Variants in ZFPM2 observed in about 807,000 individuals in gnomAD.
ZFPM2 encodes the protein zinc finger protein ZFPM2.
Under a neutral mutation model 98.6 loss-of-function variants are expected in ZFPM2, and 20 were observed. The observed-to-expected ratio is 0.20, with a 90% CI of 0.14 to 0.29. The LOEUF (loss-of-function observed/expected upper bound fraction) is 0.29. Among genes scored for constraint, ZFPM2 ranks in the 10% least tolerant of loss-of-function variants. The probability of loss-of-function intolerance (pLI) is 1.00; values close to 1 mark genes in which losing one functional copy is unlikely to be tolerated. For synonymous variants in ZFPM2, 518 were observed against 502.7 expected (o/e 1.03, Z -0.41); for missense variants, 1,310 against 1,388.6 (o/e 0.94, Z 0.90).
At chr8:105,459,917 A>G (rs960368970) in intron 3 of ZFPM2, among the ~76,000 whole-genome samples, 1 of 152,038 alleles carries the variant, frequency 6.6e-6, no homozygotes, top group Non-Finnish European at 1.5e-5. Flanking sequence ...AAAAGACAAC[A>G]AGGGAAGATT....
rs557943537 is a variant in ZFPM2 at position 105,510,491 on chromosome 8, C to T, written c.302-50872C>T. On this transcript the variant is annotated intron_variant, in intron 3 of 7. Coordinates refer to ENST00000407775, the MANE Select transcript of ZFPM2 (RefSeq NM_012082.4). The stretch of plus-strand genomic sequence containing the variant: ...ATGATTCACTATAATGAAATGATAG[C>T]AAACACCATTCAGTCATGAAATAAA... 4.0e-5 allele frequency among the ~76,000 whole-genome samples: 6 copies of T among 150,960 alleles called. No individual in the cohort carries two copies. The South Asian group carries it at 1.3e-3, about 32-fold the overall frequency.
intron 5 of ZFPM2, among the ~76,000 whole-genome samples, chr8:105,742,952 C>A (rs1812254513): frequency 6.6e-6 from 1 of 151,876 alleles, no homozygotes; most frequent in African/African-American, 2.4e-5. Flanking sequence ...AAATCAGGAG[C>A]AAATTGGGAG....
At chr8:105,780,057 C>CT (rs1209649513) in intron 5 of ZFPM2, among the ~76,000 whole-genome samples, 1 of 152,146 alleles carries the variant, frequency 6.6e-6, no homozygotes, top group Non-Finnish European at 1.5e-5. Context: ...CAAATATATG[C>CT]TTTTTCAAGA....
intron 3 of ZFPM2, among the ~76,000 whole-genome samples, chr8:105,489,095 A>G (rs1192630554): frequency 6.6e-6 from 1 of 152,044 alleles, no homozygotes; most frequent in Non-Finnish European, 1.5e-5. Flanking sequence ...GAGTATATTC[A>G]TGACTTTCCC....
intron 1 of ZFPM2, among the ~76,000 whole-genome samples, chr8:105,348,923 A>C (rs1812588990): frequency 6.6e-6 from 1 of 152,190 alleles, no homozygotes; most frequent in Non-Finnish European, 1.5e-5. Context: ...CCATATGATC[A>C]GCATAGATAA....
At chr8:105,379,770 A>C (rs1810806592) in intron 1 of ZFPM2, among the ~76,000 whole-genome samples, 1 of 151,866 alleles carries the variant, frequency 6.6e-6, no homozygotes, top group Non-Finnish European at 1.5e-5. Flanking sequence ...AAAAAAAAAA[A>C]AGTTTACATT....
At chr8:105,607,197 T>C (rs889781458) in intron 4 of ZFPM2, among the ~76,000 whole-genome samples, 3 of 152,160 alleles carry the variant, frequency 2.0e-5, no homozygotes, top group Non-Finnish European at 4.4e-5. Context: ...CTTAATAATG[T>C]AGTTTTACAT....
chr8:105,354,587 A>C (rs1322913651), intron 1 of ZFPM2, among the ~76,000 whole-genome samples: 1 of 152,224 alleles, frequency 6.6e-6, no homozygotes, highest in Non-Finnish European at 1.5e-5. Flanking sequence ...TGTATGTTCA[A>C]AGAGGATAAA....
chr8:105,575,391 G>A (rs922136797), intron 4 of ZFPM2, among the ~76,000 whole-genome samples: 1 of 152,122 alleles, frequency 6.6e-6, no homozygotes, highest in Non-Finnish European at 1.5e-5. Context: ...ATGCAGGTCT[G>A]TATCAGCCTG....
At chr8:105,384,569 T>C (rs1377687703) in intron 1 of ZFPM2, among the ~76,000 whole-genome samples, 1 of 151,502 alleles carries the variant, frequency 6.6e-6, no homozygotes, top group South Asian at 2.1e-4. Context: ...CCTTTCCTGA[T>C]CCCATCACAT....
At chr8:105,557,243 C>G (rs983129607) in intron 3 of ZFPM2, among the ~76,000 whole-genome samples, 6 of 152,098 alleles carry the variant, frequency 3.9e-5, no homozygotes, top group Admixed American at 2.6e-4. Flanking sequence ...TCATGATATA[C>G]TCTTTAATCC....
chr8:105,718,432 G>A (rs1449463679), intron 5 of ZFPM2, among the ~76,000 whole-genome samples: 2 of 151,978 alleles, frequency 1.3e-5, no homozygotes, highest in African/African-American at 2.4e-5. Flanking sequence ...GCAGGATAGA[G>A]ATTCACCATC....
At chr8:105,342,262 A>C (rs1343312378) in intron 1 of ZFPM2, among the ~76,000 whole-genome samples, 1 of 152,064 alleles carries the variant, frequency 6.6e-6, no homozygotes, top group Admixed American at 6.6e-5. Context: ...GAGAAAGTCA[A>C]GTTGATGAGC....
At chr8:105,465,311 G>A (rs1812777546) in intron 3 of ZFPM2, among the ~76,000 whole-genome samples, 1 of 151,830 alleles carries the variant, frequency 6.6e-6, no homozygotes, top group African/African-American at 2.4e-5. Context: ...TCTAAAATGA[G>A]ACAGCCATTT....
At chr8:105,490,271 A>G (rs961669432) in intron 3 of ZFPM2, among the ~76,000 whole-genome samples, 3 of 152,298 alleles carry the variant, frequency 2.0e-5, no homozygotes, top group Middle Eastern at 3.4e-3. Context: ...ATGATATCCT[A>G]GCAAGTTTAA....
intron 5 of ZFPM2, among the ~76,000 whole-genome samples, chr8:105,775,608 G>A (rs1354244548): frequency 6.6e-6 from 1 of 152,224 alleles, no homozygotes; most frequent in Middle Eastern, 3.4e-3. Context: ...TACAAGCAGA[G>A]TCTTAAGCAG....
intron 5 of ZFPM2, among the ~76,000 whole-genome samples, chr8:105,700,667 C>T (rs1299743263): frequency 1.3e-5 from 2 of 152,148 alleles, no homozygotes; most frequent in African/African-American, 2.4e-5. Context: ...ATGATCTCCA[C>T]TCACTGCAGC....
intron 5 of ZFPM2, among the ~76,000 whole-genome samples, chr8:105,745,314 G>T (rs1174041623): frequency 6.6e-6 from 1 of 152,044 alleles, no homozygotes; most frequent in Non-Finnish European, 1.5e-5. Context: ...TCAGATAAAG[G>T]CATCATATAG....
At chr8:105,782,199 TTAA>T (rs1335111239) in intron 5 of ZFPM2, among the ~76,000 whole-genome samples, 4 of 152,216 alleles carry the variant, frequency 2.6e-5, no homozygotes, top group African/African-American at 9.6e-5. Flanking sequence ...TGGTAACCAC[TTAA>T]TAAATGTGTG....
Sources: gnomAD v4.1 joint callset for allele counts (sites outside exome capture counted in the v4.1 genomes callset) on GRCh38, gnomAD v4.1.1 for gene constraint, MANE v1.5 for transcripts, NCBI Gene and HGNC (gene_info 2026-07-23, HGNC 2026-07-21) for gene names.